The following STARD13 variants were observed in gnomAD, a reference collection of about 807,000 sequenced individuals.
STARD13 encodes StAR related lipid transfer domain containing 13.
Under a neutral mutation model 106.4 loss-of-function variants are expected in STARD13, and 62 were observed. The ratio of observed to expected loss-of-function variants is 0.58; its 90% confidence interval spans 0.48 to 0.72. The LOEUF is 0.72. Ranked by LOEUF, STARD13 falls within the 30% of genes least tolerant of loss-of-function variation. STARD13 has a pLI of 0.00. For synonymous variants in STARD13, 565 were observed against 553.0 expected, an observed-to-expected ratio of 1.02 and a Z score of -0.31; for missense variants, 1,387 against 1,424.0, an observed-to-expected ratio of 0.97 and a Z score of 0.42.
chr13:33,491,554 G>T, the STARD13 span, among the ~76,000 whole-genome samples: 3 of 152,172 alleles, frequency 2.0e-5, no homozygotes, highest in African/African-American at 7.2e-5. Flanking sequence ...GGGTTGAAAA[G>T]AAAGTACAAG....
At chr13:33,337,674 G>T (rs1007947580) in intron 1 of STARD13, among the ~76,000 whole-genome samples, 1 of 152,074 alleles carries the variant, frequency 6.6e-6, no homozygotes, top group African/African-American at 2.4e-5. Context: ...GATACTCAAG[G>T]GACTGTTTCC....
chr13:33,523,287 C>T, the STARD13 span, among the ~76,000 whole-genome samples: 4 of 152,104 alleles, frequency 2.6e-5, no homozygotes, highest in Admixed American at 2.0e-4. Flanking sequence ...CTTGCTGAGC[C>T]ACCAACACTT....
chr13:33,130,152 C>T lies in STARD13; in HGVS notation c.525G>A (p.Thr175=), dbSNP rs144505017. Residue 175 remains threonine, a synonymous_variant, in exon 5 of 14, where the codon ACG becomes ACA. Coordinates refer to ENST00000336934, the MANE Select transcript of STARD13 (RefSeq NM_178006.4). The surrounding 1 kb of genome is among the most constrained non-coding windows in gnomAD (Gnocchi z 4.1). ...CACTGCTGGTCGTGTTCCTCATCCC[C>T]GTGCCTCCCGGTGACCCATTTCTGT... ...RGDRNGSPGG[T]GMRNTTSSES... is the part of the protein sequence containing the mutation. The T allele has an allele frequency of 6.2e-4, 994 of 1,613,988 alleles. 3 individuals carry two copies. The highest frequency in any genetic ancestry group is 2.9e-4 in the Non-Finnish European group (348 of 1,180,036).
chr13:33,274,635 C>T (rs1244537551), intron 1 of STARD13, among the ~76,000 whole-genome samples: 3 of 152,074 alleles, frequency 2.0e-5, no homozygotes, highest in Non-Finnish European at 2.9e-5. Context: ...CAGATTGATC[C>T]GTTCACCCCT....
intron 3 of STARD13, among the ~76,000 whole-genome samples, chr13:33,144,938 A>T (rs1434042173): frequency 6.6e-6 from 1 of 152,226 alleles, no homozygotes; most frequent in East Asian, 1.9e-4. Flanking sequence ...CATCTTCTAT[A>T]TACCACAGAC....
chr13:33,394,012 A>G, the STARD13 span, among the ~76,000 whole-genome samples: 2 of 152,210 alleles, frequency 1.3e-5, no homozygotes, highest in East Asian at 1.9e-4. Flanking sequence ...ATAAAGGCAT[A>G]AGGAAATTAT....
the STARD13 span, among the ~76,000 whole-genome samples, chr13:33,563,572 C>A: frequency 3.4e-5 from 5 of 147,152 alleles, 1 homozygote; most frequent in South Asian, 1.1e-3. Flanking sequence ...ATACCAATAT[C>A]AAATAAAAAT....
chr13:33,472,415 T>C, the STARD13 span, among the ~76,000 whole-genome samples: 1 of 152,122 alleles, frequency 6.6e-6, no homozygotes, highest in Non-Finnish European at 1.5e-5. Context: ...CTATTGACAT[T>C]TGGGGCTGAA....
chr13:33,291,043 C>A (rs1331414094), intron 1 of STARD13, among the ~76,000 whole-genome samples: 3 of 152,234 alleles, frequency 2.0e-5, no homozygotes, highest in Non-Finnish European at 4.4e-5. Context: ...GCAACTACTA[C>A]AGGCATAAAG....
chr13:33,558,647 T>C, the STARD13 span, among the ~76,000 whole-genome samples: 8 of 152,182 alleles, frequency 5.3e-5, no homozygotes, highest in African/African-American at 1.9e-4. Context: ...GCAAAAACTT[T>C]GACACTGCTC....
the STARD13 span, among the ~76,000 whole-genome samples, chr13:33,456,804 T>G: frequency 5.3e-5 from 8 of 152,230 alleles, no homozygotes; most frequent in Admixed American, 3.9e-4. Flanking sequence ...GCACTGAATT[T>G]GCTGTACCTT....
chr13:33,186,281 G>A (rs192489619), intron 1 of STARD13, among the ~76,000 whole-genome samples: 1 of 152,286 alleles, frequency 6.6e-6, no homozygotes, highest in Non-Finnish European at 1.5e-5. Context: ...ACTTTCTAAT[G>A]AATCAAACCC....
intron 1 of STARD13, among the ~76,000 whole-genome samples, chr13:33,330,818 C>G (rs912758482): frequency 1.3e-5 from 2 of 152,060 alleles, no homozygotes; most frequent in African/African-American, 4.8e-5. Flanking sequence ...AGACCGGAAA[C>G]CCAGAATTTC....
At chr13:33,239,011 T>G (rs1889333702) in intron 1 of STARD13, among the ~76,000 whole-genome samples, 1 of 152,090 alleles carries the variant, frequency 6.6e-6, no homozygotes, top group South Asian at 2.1e-4. Flanking sequence ...CTATATCAAT[T>G]AAGCAACAAC....
the STARD13 span, among the ~76,000 whole-genome samples, chr13:33,588,895 G>A: frequency 6.6e-6 from 1 of 152,074 alleles, no homozygotes; most frequent in Non-Finnish European, 1.5e-5. Flanking sequence ...AATTTTCTGG[G>A]CACCTACAAT....
At chr13:33,107,244 A>T (rs561515261) in intron 12 of STARD13, among the ~76,000 whole-genome samples, 1 of 150,948 alleles carries the variant, frequency 6.6e-6, no homozygotes, top group East Asian at 1.9e-4. Flanking sequence ...GTGGTTTTAC[A>T]GTTTATTATT....
chr13:33,344,825 G>C (rs958017405), downstream of STARD13, among the ~76,000 whole-genome samples: 4 of 152,184 alleles, frequency 2.6e-5, no homozygotes, highest in Non-Finnish European at 5.9e-5. Context: ...TGTTATATGA[G>C]TATAATGGAA....
chr13:33,421,680 G>A, the STARD13 span, among the ~76,000 whole-genome samples: 4 of 152,060 alleles, frequency 2.6e-5, no homozygotes, highest in South Asian at 2.1e-4. Flanking sequence ...GATGAACATC[G>A]ATGCGAAAAT....
At chr13:33,297,114 T>A (rs1174413693) in intron 1 of STARD13, among the ~76,000 whole-genome samples, 6 of 152,214 alleles carry the variant, frequency 3.9e-5, no homozygotes, top group African/African-American at 1.4e-4. Context: ...CTCCTGAGAT[T>A]TTTTAACCAT....
Sources: allele counts gnomAD v4.1 joint callset (sites outside exome capture counted in the v4.1 genomes callset), GRCh38; gene constraint gnomAD v4.1.1; non-coding constraint Gnocchi (gnomAD v3.1); transcripts MANE v1.5; gene names NCBI Gene and HGNC (gene_info 2026-07-23, HGNC 2026-07-21).